CCNJL: variants seen among roughly 807,000 people sequenced by gnomAD.
CCNJL encodes cyclin-J-like protein.
Under a neutral mutation model 33.4 loss-of-function variants are expected in CCNJL, and 33 were observed. The ratio of observed to expected loss-of-function variants is 0.99; its 90% CI spans 0.75 to 1.32. The LOEUF is 1.32. CCNJL is among the 40% of genes most tolerant of loss of function. The pLI, the probability that CCNJL is intolerant of heterozygous loss-of-function variation, is 0.00. For synonymous variants in CCNJL, 227 were observed against 220.9 expected, an observed-to-expected ratio of 1.03 and a Z score of -0.24; for missense variants, 512 against 499.7, an observed-to-expected ratio of 1.02 and a Z score of -0.23.
chr5:160,310,053 G>A (rs573336210), intron 2 of CCNJL, among the ~76,000 whole-genome samples: 1 of 152,230 alleles, frequency 6.6e-6, no homozygotes, highest in East Asian at 1.9e-4. Context: ...TAAACAAATG[G>A]CATTTATTGC....
At chr5:160,331,830 T>C (rs1476614547) in intron 1 of CCNJL, among the ~76,000 whole-genome samples, 1 of 152,192 alleles carries the variant, frequency 6.6e-6, no homozygotes, top group Non-Finnish European at 1.5e-5. Context: ...GCAAGCCTAC[T>C]ATATTTCTCT....
upstream of CCNJL, among the ~76,000 whole-genome samples, chr5:160,317,522 A>T (rs546399351): frequency 4.1e-4 from 63 of 152,308 alleles, no homozygotes; most frequent in African/African-American, 1.5e-3. Context: ...CTCTGTTTGC[A>T]TGTACTATAT....
In CCNJL at chr5:160,280,513, G is replaced by A. The variant is rs751148381; in HGVS notation, c.280+12C>T. On this transcript the variant is annotated intron_variant, in intron 3 of 5. Coordinates refer to ENST00000257536, the MANE Select transcript of CCNJL (RefSeq NM_001308173.3). ...CGCACAAGCGCGGAGGAAGACGTAG[G>A]TTTTCGCTTACTTGCAAGCAGGAGG... The A allele has an allele frequency of 6.2e-7, 1 of 1,608,724 alleles. No individual in the cohort carries two copies. Among genetic ancestry groups the A allele is most frequent in the African/African-American group, 1.3e-5 (1 of 74,880 alleles).
chr5:160,273,828 T>C (rs1019192514), intron 3 of CCNJL, among the ~76,000 whole-genome samples: 5 of 151,792 alleles, frequency 3.3e-5, no homozygotes, highest in African/African-American at 1.2e-4. Flanking sequence ...TTTGTATTTT[T>C]AGTAGAGAAG....
At chr5:160,312,946 T>A (rs2113464762), upstream of CCNJL, 1 of 152,056 alleles carries the variant, frequency 6.6e-6, no homozygotes, top group East Asian at 1.9e-4. Context: ...TTTTTTTTTT[T>A]TCCTGTTTTT....
intron 3 of CCNJL, among the ~76,000 whole-genome samples, chr5:160,267,854 G>A (rs894917992): frequency 6.6e-6 from 1 of 152,182 alleles, no homozygotes; most frequent in Non-Finnish European, 1.5e-5. Context: ...GCACCACCAT[G>A]CTTGGCCCTT....
rs141268151 is a variant in CCNJL at position 160,253,543 on chromosome 5, C to T, written c.999G>A (p.Pro333=). The T allele has an allele frequency of 2.2e-5, 35 of 1,613,984 alleles. No individual in the cohort carries two copies. Among genetic ancestry groups the T allele is most frequent in the Middle Eastern group, 1.6e-4 (1 of 6,084 alleles). The change falls in exon 6 of 6, where the codon CCG becomes CCA. Residue 333 remains proline, a synonymous_variant. Transcript: ENST00000257536. ...SGSTGSSLHT[P]YQPLQPLDMC... ...TATCCAAGGGCTGCAGCGGTTGGTA[C>T]GGGGTGTGGAGGGATGAGCCTGTAC...
chr5:160,289,751 G>A (rs961062685), intron 2 of CCNJL, among the ~76,000 whole-genome samples: 1 of 152,190 alleles, frequency 6.6e-6, no homozygotes, highest in African/African-American at 2.4e-5. Flanking sequence ...TGCCTGGACA[G>A]GTCTCTGAAG....
chr5:160,314,290 A>G (rs1763352017), upstream of CCNJL, among the ~76,000 whole-genome samples: 1 of 152,260 alleles, frequency 6.6e-6, no homozygotes, highest in Admixed American at 6.5e-5. Context: ...ATTAAGCATC[A>G]GTGGAATAAC....
At chr5:160,278,750 C>A (rs918477449) in intron 3 of CCNJL, among the ~76,000 whole-genome samples, 3 of 152,204 alleles carry the variant, frequency 2.0e-5, no homozygotes, top group African/African-American at 4.8e-5. Context: ...TCCCCTGCCC[C>A]CAGCGGGCCG....
Position 160,311,865 on chromosome 5 carries a change from C to A in CCNJL, c.59G>T (p.Arg20Leu), listed in dbSNP as rs923105954. 1.9e-6 allele frequency: 3 copies of A among 1,613,962 alleles called. No individual in the cohort carries two copies. The highest frequency in any genetic ancestry group is 2.5e-6 in the Non-Finnish European group (3 of 1,179,908). The stretch of plus-strand genomic sequence containing the variant: ...GGGCAGGGAGGGACTGACCTTCTCG[C>A]GCAGGGTGCAGTGGACGTCCGAGGC... ...RVASDVHCTL[R>L]EKELKLPTFR... Residue 20 changes from arginine (R) to leucine (L), a missense_variant, in exon 2 of 6, where the codon CGC (arginine) becomes CTC (leucine). Physicochemically the swap from Arg to Leu is moderately radical, Grantham distance 102. Transcript: ENST00000257536.
chr5:160,307,217 CCT>C (rs992226301), intron 2 of CCNJL, among the ~76,000 whole-genome samples: 1 of 152,172 alleles, frequency 6.6e-6, no homozygotes, highest in Admixed American at 6.5e-5. Flanking sequence ...CCCTGAGGTC[CCT>C]CTCTGACTCA....
At chr5:160,297,025 C>G (rs1762768961) in intron 2 of CCNJL, among the ~76,000 whole-genome samples, 1 of 152,152 alleles carries the variant, frequency 6.6e-6, no homozygotes. Context: ...AAGGAGTTGC[C>G]TGAGGACTTA....
intron 3 of CCNJL, among the ~76,000 whole-genome samples, chr5:160,265,299 G>T (rs1468279827): frequency 6.6e-6 from 1 of 152,178 alleles, no homozygotes. Context: ...TGGCTAAAGA[G>T]AAACAGGTTT....
intron 3 of CCNJL, among the ~76,000 whole-genome samples, chr5:160,260,919 A>G (rs1328081183): frequency 6.6e-6 from 1 of 152,126 alleles, no homozygotes; most frequent in African/African-American, 2.4e-5. Context: ...GAGGCCTTCA[A>G]GGGCCTGGCC....
chr5:160,289,231 C>T (rs953689440), intron 2 of CCNJL, among the ~76,000 whole-genome samples: 5 of 152,184 alleles, frequency 3.3e-5, no homozygotes, highest in African/African-American at 1.2e-4. Context: ...TGTCCCCTGC[C>T]CCCCACAGAA....
intron 2 of CCNJL, among the ~76,000 whole-genome samples, chr5:160,304,568 A>T (rs1763031073): frequency 6.6e-6 from 1 of 152,206 alleles, no homozygotes; most frequent in Non-Finnish European, 1.5e-5. Context: ...AGCTTGTCAA[A>T]GCCAGCATTT....
rs1269195591 is a variant in CCNJL, at chr5:160,253,280, G to GC, written c.*97_*98insG. Reference sequence around the variant, plus strand: ...CCTCCACGTTCCAAGGCTCTTCAGGGATGGCCTCCTGCTGCCTCACTTGGC... The same window carrying GC: ...CCTCCACGTTCCAAGGCTCTTCAGGGCATGGCCTCCTGCTGCCTCACTTGGC... On this transcript the variant is annotated 3_prime_UTR_variant, in exon 6 of 6. Transcript: ENST00000257536. The GC allele has an allele frequency of 8.2e-7, 1 of 1,226,494 alleles. No homozygotes were observed. The highest frequency in any genetic ancestry group is 1.5e-5 in the African/African-American group (1 of 66,176). The allele number at this position is 1,226,494 out of a possible 1,614,324, so 76.0% of individuals were successfully genotyped here.
At chr5:160,283,421 T>C (rs1175467504) in intron 2 of CCNJL, among the ~76,000 whole-genome samples, 1 of 152,182 alleles carries the variant, frequency 6.6e-6, no homozygotes, top group Admixed American at 6.5e-5. Flanking sequence ...CATTAGATAG[T>C]GGTGATGATT....
Sources: gnomAD v4.1 joint callset for allele counts (sites outside exome capture counted in the v4.1 genomes callset) on GRCh38, gnomAD v4.1.1 for gene constraint, MANE v1.5 for transcripts, NCBI Gene and HGNC (gene_info 2026-07-23, HGNC 2026-07-21) for gene names.